MAML3: variants seen among roughly 807,000 people sequenced by gnomAD.
The protein encoded by MAML3 is mastermind like transcriptional coactivator 3.
In MAML3, 27 loss-of-function variants were observed where a neutral mutation model predicts 101.9. That is an observed-to-expected ratio of 0.27 (90% confidence interval 0.20 to 0.37). The LOEUF (loss-of-function observed/expected upper bound fraction) is 0.37, where lower values mean the gene tolerates loss of function less well. Among genes scored for constraint, MAML3 ranks in the 10% least tolerant of loss-of-function variants. MAML3 has a pLI of 1.00. For synonymous variants in MAML3, 501 were observed against 555.9 expected (o/e 0.90, Z 1.39); for missense variants, 1,316 against 1,444.9 (o/e 0.91, Z 1.45).
intron 1 of MAML3, among the ~76,000 whole-genome samples, chr4:140,106,584 A>G (rs1040632834): frequency 1.3e-5 from 2 of 152,218 alleles, no homozygotes; most frequent in African/African-American, 2.4e-5. Context: ...AAATACCTCT[A>G]AAGTACTAGG....
intron 2 of MAML3, among the ~76,000 whole-genome samples, chr4:139,780,103 T>G (rs562328184): frequency 2.0e-3 from 298 of 152,358 alleles, no homozygotes; most frequent in African/African-American, 7.0e-3. Flanking sequence ...ACATTTAAAT[T>G]TAATAAAATT....
At chr4:140,094,314 T>C (rs140244561) in intron 1 of MAML3, among the ~76,000 whole-genome samples, 1,708 of 152,334 alleles carry the variant, frequency 0.011, 36 homozygotes, top group African/African-American at 0.039. Context: ...GGAGCAGGCC[T>C]AGCTATAGCT....
intron 1 of MAML3, among the ~76,000 whole-genome samples, chr4:140,038,709 AAG>A (rs1722203669): frequency 1.3e-5 from 2 of 152,230 alleles, no homozygotes; most frequent in African/African-American, 4.8e-5. Flanking sequence ...GACAATAATT[AAG>A]AGTTAGTCTA....
intron 1 of MAML3, among the ~76,000 whole-genome samples, chr4:139,984,095 G>A (rs1455218401): frequency 6.6e-6 from 1 of 152,130 alleles, no homozygotes; most frequent in Non-Finnish European, 1.5e-5. Context: ...GTCCACAGAT[G>A]GGATGAGTTT....
intron 1 of MAML3, among the ~76,000 whole-genome samples, chr4:140,031,125 C>T (rs1043541476): frequency 2.6e-5 from 4 of 152,106 alleles, no homozygotes; most frequent in African/African-American, 9.7e-5. Context: ...TCTCCTTAGT[C>T]CCACTATATT....
At chr4:139,938,004 T>G (rs1035069022) in intron 1 of MAML3, among the ~76,000 whole-genome samples, 5 of 152,222 alleles carry the variant, frequency 3.3e-5, no homozygotes, top group Non-Finnish European at 7.3e-5. Context: ...AGTGGCTGTC[T>G]GCAAGGTAAA....
At chr4:140,041,253 T>C (rs1166214252) in intron 1 of MAML3, among the ~76,000 whole-genome samples, 1 of 152,020 alleles carries the variant, frequency 6.6e-6, no homozygotes, top group Non-Finnish European at 1.5e-5. Context: ...TACCACTGGA[T>C]AAATATGCCT....
intron 1 of MAML3, among the ~76,000 whole-genome samples, chr4:140,104,375 T>TAA (rs200934299): frequency 0.2 from 22,000 of 111,208 alleles, 3,570 homozygotes; most frequent in Middle Eastern, 0.34. Context: ...TATATATATA[T>TAA]AATATATATA....
chr4:139,861,042 A>G (rs995045818), intron 2 of MAML3, among the ~76,000 whole-genome samples: 13 of 152,150 alleles, frequency 8.5e-5, no homozygotes, highest in East Asian at 1.9e-4. Flanking sequence ...AGATATATAC[A>G]TCTGTATATA....
At chr4:139,851,747 G>C (rs1280485817) in intron 2 of MAML3, among the ~76,000 whole-genome samples, 1 of 152,214 alleles carries the variant, frequency 6.6e-6, no homozygotes, top group African/African-American at 2.4e-5. Flanking sequence ...TATGCTTGCA[G>C]ACTGTAATCA....
intron 2 of MAML3, among the ~76,000 whole-genome samples, chr4:139,802,458 T>C (rs970095387): frequency 6.6e-6 from 1 of 152,218 alleles, no homozygotes; most frequent in African/African-American, 2.4e-5. Flanking sequence ...CTCATCACCT[T>C]ACCTTTGGCT....
At chr4:139,897,123 G>A (rs1416325711) in intron 1 of MAML3, among the ~76,000 whole-genome samples, 1 of 152,192 alleles carries the variant, frequency 6.6e-6, no homozygotes, top group Non-Finnish European at 1.5e-5. Context: ...CAGAGCTTGG[G>A]AATAAAGATA....
At chr4:139,836,511 A>G (rs569459136) in intron 2 of MAML3, among the ~76,000 whole-genome samples, 2 of 152,296 alleles carry the variant, frequency 1.3e-5, no homozygotes, top group African/African-American at 4.8e-5. Flanking sequence ...TCTTTATTCA[A>G]TTATCAACTT....
At chr4:140,127,119 G>A (rs76165317) in intron 1 of MAML3, among the ~76,000 whole-genome samples, 21 of 152,278 alleles carry the variant, frequency 1.4e-4, no homozygotes, top group Middle Eastern at 3.4e-3. Flanking sequence ...GCTTCTGAGC[G>A]TGGCAGATAA....
intron 1 of MAML3, among the ~76,000 whole-genome samples, chr4:139,894,689 A>G (rs1732574998): frequency 6.6e-6 from 1 of 151,314 alleles, no homozygotes; most frequent in Non-Finnish European, 1.5e-5. Flanking sequence ...GAACTGCTGA[A>G]CACAAGGCCC....
At chr4:139,949,895 C>T (rs1733804663) in intron 1 of MAML3, among the ~76,000 whole-genome samples, 1 of 152,182 alleles carries the variant, frequency 6.6e-6, no homozygotes, top group Admixed American at 6.5e-5. Flanking sequence ...AGATTACTCT[C>T]TATAATGTAG....
intron 1 of MAML3, among the ~76,000 whole-genome samples, chr4:139,965,007 G>A (rs1734099760): frequency 6.6e-6 from 1 of 152,144 alleles, no homozygotes; most frequent in South Asian, 2.1e-4. Context: ...TCACAAGTCT[G>A]CTCCAGTACA....
At chr4:139,814,602 T>G (rs1730863148) in intron 2 of MAML3, among the ~76,000 whole-genome samples, 1 of 152,140 alleles carries the variant, frequency 6.6e-6, no homozygotes, top group Non-Finnish European at 1.5e-5. Context: ...ATGAACGAAC[T>G]GTAATGAACT....
chr4:139,800,412 G>T (rs377495308), intron 2 of MAML3, among the ~76,000 whole-genome samples: 19 of 152,266 alleles, frequency 1.2e-4, no homozygotes, highest in African/African-American at 4.6e-4. Context: ...GTGTATAGGG[G>T]CTGTCTCAAA....
Sources: allele counts gnomAD v4.1 joint callset (sites outside exome capture counted in the v4.1 genomes callset), GRCh38; gene constraint gnomAD v4.1.1; transcripts MANE v1.5; gene names NCBI Gene and HGNC (gene_info 2026-07-23, HGNC 2026-07-21).